Variants in TRABD2B observed in about 807,000 individuals in gnomAD.
The protein encoded by TRABD2B is TraB domain containing 2B, also known as metalloprotease TIKI2.
Under a neutral mutation model 40.1 loss-of-function variants are expected in TRABD2B, and 14 were observed. The observed-to-expected ratio is 0.35, with a 90% CI of 0.23 to 0.55. The LOEUF is 0.55. Ranked by LOEUF, TRABD2B falls within the 20% of genes least tolerant of loss-of-function variation. TRABD2B has a pLI of 0.90. For synonymous variants in TRABD2B, 263 were observed against 277.0 expected (o/e 0.95, Z 0.50); for missense variants, 541 against 648.6 (o/e 0.83, Z 1.80).
chr1:47,767,670 C>T (rs555458157), intron 6 of TRABD2B, among the ~76,000 whole-genome samples: 69 of 152,360 alleles, frequency 4.5e-4, no homozygotes, highest in South Asian at 1.7e-3. Flanking sequence ...GGGCAAGAAG[C>T]TTGCCCTTCC....
chr1:47,923,969 C>CAT (rs1644938518), intron 2 of TRABD2B, among the ~76,000 whole-genome samples: 1 of 107,588 alleles, frequency 9.3e-6, no homozygotes, highest in Non-Finnish European at 2.0e-5. Flanking sequence ...CACACACACA[C>CAT]ATCCTATTAG....
chr1:47,862,264 T>C (rs1220457078), intron 2 of TRABD2B, among the ~76,000 whole-genome samples: 1 of 152,134 alleles, frequency 6.6e-6, no homozygotes, highest in Non-Finnish European at 1.5e-5. Flanking sequence ...GAAAATGAAA[T>C]AAAATATATA....
rs1029575612 is a variant in TRABD2B at position 47,997,266 on chromosome 1, G to T, written c.-477C>A. ...GTGCGGCGGAAGGCGCGGCAGGGGTGGGGGGCGGCTCTGGGGCGACCGGCT... is the reference window on the plus strand; with the variant it reads ...GTGCGGCGGAAGGCGCGGCAGGGGTTGGGGGCGGCTCTGGGGCGACCGGCT... On this transcript the variant is annotated 5_prime_UTR_variant, in exon 1 of 7. Coordinates refer to ENST00000606738, the MANE Select transcript of TRABD2B (RefSeq NM_001194986.2). 6.5e-5 allele frequency: 63 copies of T among 970,280 alleles called. No homozygotes were observed. The highest frequency in any genetic ancestry group is 7.7e-5 in the Non-Finnish European group (63 of 818,042). 60.1% of individuals were successfully genotyped at this position (970,280 alleles called of 1,614,324 possible).
intron 2 of TRABD2B, among the ~76,000 whole-genome samples, chr1:47,979,533 G>A (rs1645809967): frequency 6.6e-6 from 1 of 152,122 alleles, no homozygotes; most frequent in South Asian, 2.1e-4. Flanking sequence ...GACTTGCTCT[G>A]GTCATGCTGT....
chr1:47,793,119 C>G (rs1644698528), intron 4 of TRABD2B, among the ~76,000 whole-genome samples: 1 of 152,134 alleles, frequency 6.6e-6, no homozygotes, highest in African/African-American at 2.4e-5. Flanking sequence ...GCCCCTACAC[C>G]CCTACAGGAA....
intron 3 of TRABD2B, among the ~76,000 whole-genome samples, chr1:47,799,611 C>A (rs900932509): frequency 2.0e-5 from 3 of 152,196 alleles, no homozygotes; most frequent in Admixed American, 6.5e-5. Flanking sequence ...CACACCATCA[C>A]CCTCAGGAGC....
chr1:47,774,820 T>C (rs1019128238), intron 6 of TRABD2B, among the ~76,000 whole-genome samples: 1 of 152,218 alleles, frequency 6.6e-6, no homozygotes, highest in Admixed American at 6.5e-5. Context: ...TTAGCCAGCT[T>C]GTTCCATTTT....
chr1:47,770,541 G>A (rs1409785730), intron 6 of TRABD2B, among the ~76,000 whole-genome samples: 1 of 152,228 alleles, frequency 6.6e-6, no homozygotes, highest in African/African-American at 2.4e-5. Flanking sequence ...GGAAGGGCCT[G>A]TCTGTCCCTC....
chr1:47,882,284 G>A (rs1163795103), intron 2 of TRABD2B, among the ~76,000 whole-genome samples: 1 of 152,210 alleles, frequency 6.6e-6, no homozygotes, highest in Non-Finnish European at 1.5e-5. Flanking sequence ...CTGCACGTGT[G>A]TGCCTGACCA....
rs117914650 is a variant in TRABD2B at position 47,989,362 on chromosome 1, G to A, written c.666+4672C>T. 3.0e-4 allele frequency among the ~76,000 whole-genome samples: 45 copies of A among 152,290 alleles called. No individual in the cohort carries two copies. The East Asian group carries it at 7.7e-3, about 26-fold the overall frequency. On this transcript the variant is annotated intron_variant, in intron 2 of 6. Transcript: ENST00000606738. ...CTTCAATGATGCTGCATGGTGGAAC[G>A]GAATCAGGGATGGTCACATCATGAT...
chr1:47,975,369 G>A (rs1281519721), intron 2 of TRABD2B, among the ~76,000 whole-genome samples: 1 of 152,176 alleles, frequency 6.6e-6, no homozygotes, highest in African/African-American at 2.4e-5. Context: ...TATATTTTCA[G>A]GTCTTTTTGT....
At chr1:47,989,991 C>A (rs566750709) in intron 2 of TRABD2B, among the ~76,000 whole-genome samples, 1 of 152,288 alleles carries the variant, frequency 6.6e-6, no homozygotes, top group South Asian at 2.1e-4. Context: ...TGTTGCATCT[C>A]TGTGAGGGTT....
rs1646108854 is a variant in TRABD2B, at chr1:47,997,305, G to A, written c.-516C>T. The A allele has an allele frequency of 1.2e-6, 1 of 803,784 alleles. No individual in the cohort carries two copies. Among genetic ancestry groups the A allele is most frequent in the Non-Finnish European group, 1.5e-6 (1 of 666,870 alleles). The allele number at this position is 803,784 out of a possible 1,614,324, so 49.8% of individuals were successfully genotyped here. A position where few individuals can be genotyped will look rare whatever the true frequency, so the allele number is the denominator to read the frequency against. On this transcript the variant is annotated 5_prime_UTR_variant, in exon 1 of 7. Coordinates refer to ENST00000606738, the MANE Select transcript of TRABD2B (RefSeq NM_001194986.2). ...GGGCGACCGGCTGCCCCCGAGCCCG[G>A]CTCAGAGGGGCGGCGGGCGGCCGCG...
chr1:47,983,231 C>T (rs1645866908), intron 2 of TRABD2B, among the ~76,000 whole-genome samples: 1 of 152,104 alleles, frequency 6.6e-6, no homozygotes, highest in African/African-American at 2.4e-5. Flanking sequence ...AACACAGGGA[C>T]AGAAAACCAA....
intron 1 of TRABD2B, among the ~76,000 whole-genome samples, chr1:47,995,699 G>A (rs538520004): frequency 6.6e-6 from 1 of 152,248 alleles, no homozygotes; most frequent in South Asian, 2.1e-4. Context: ...GCCTGATTCT[G>A]GCACAAATGA....
At chr1:47,909,097 T>C (rs1245911026) in intron 2 of TRABD2B, among the ~76,000 whole-genome samples, 1 of 152,276 alleles carries the variant, frequency 6.6e-6, no homozygotes, top group Non-Finnish European at 1.5e-5. Flanking sequence ...CCTTGGCTCC[T>C]GCCATTCTTT....
chr1:47,943,892 C>T (rs1645223060), intron 2 of TRABD2B, among the ~76,000 whole-genome samples: 2 of 152,180 alleles, frequency 1.3e-5, no homozygotes, highest in African/African-American at 4.8e-5. Context: ...TTACCACACA[C>T]CTACTGCCTG....
At chr1:47,954,307 C>A (rs908701856) in intron 2 of TRABD2B, among the ~76,000 whole-genome samples, 6 of 152,148 alleles carry the variant, frequency 3.9e-5, no homozygotes, top group Admixed American at 1.3e-4. Context: ...TTCCAGGCCT[C>A]CGTTTACCCC....
At chr1:47,866,113 C>T (rs1332558242) in intron 2 of TRABD2B, among the ~76,000 whole-genome samples, 1 of 151,988 alleles carries the variant, frequency 6.6e-6, no homozygotes, top group East Asian at 1.9e-4. Context: ...GCTCTGTGCG[C>T]AAGCAGGAAG....
Sources: allele counts gnomAD v4.1 joint callset (sites outside exome capture counted in the v4.1 genomes callset), GRCh38; gene constraint gnomAD v4.1.1; transcripts MANE v1.5; gene names NCBI Gene and HGNC (gene_info 2026-07-23, HGNC 2026-07-21).